The following ACOXL variants were observed in gnomAD, a reference collection of about 807,000 sequenced individuals.
The protein encoded by ACOXL is acyl-coenzyme A oxidase-like protein.
In ACOXL, 70 loss-of-function variants were observed where a neutral mutation model predicts 71.9. The observed-to-expected ratio is 0.97, with a 90% CI of 0.80 to 1.19. The LOEUF is 1.19. Among genes scored for constraint, ACOXL ranks in the 50% most tolerant of loss-of-function variants. The probability of loss-of-function intolerance (pLI) is 0.00; values close to 1 mark genes in which losing one functional copy is unlikely to be tolerated. For synonymous variants in ACOXL, 253 were observed against 281.6 expected, an observed-to-expected ratio of 0.90 and a Z score of 1.02; for missense variants, 703 against 736.3, an observed-to-expected ratio of 0.95 and a Z score of 0.52.
chr2:110,994,098 T>C (rs568222849), intron 13 of ACOXL, among the ~76,000 whole-genome samples: 132 of 152,260 alleles, frequency 8.7e-4, no homozygotes, highest in Middle Eastern at 3.4e-3. Flanking sequence ...GCACGTGCAG[T>C]TCACAATCTC....
chr2:110,861,362 T>C (rs1693934718), intron 10 of ACOXL, among the ~76,000 whole-genome samples: 1 of 151,928 alleles, frequency 6.6e-6, no homozygotes, highest in South Asian at 2.1e-4. Flanking sequence ...AGACAACCAG[T>C]ACTAAAAACC....
chr2:110,786,193 A>G (rs1683938953), intron 3 of ACOXL, among the ~76,000 whole-genome samples: 2 of 152,316 alleles, frequency 1.3e-5, no homozygotes, highest in South Asian at 2.1e-4. Context: ...GATGTCCCCA[A>G]AGAGGAGAAA....
At chr2:110,750,624 ATAT>A (rs1157466859) in intron 1 of ACOXL, among the ~76,000 whole-genome samples, 1 of 148,942 alleles carries the variant, frequency 6.7e-6, no homozygotes, top group Non-Finnish European at 1.5e-5. Flanking sequence ...AAACATATAC[ATAT>A]TATATATAAA....
chr2:110,942,412 G>A (rs1481273654), intron 12 of ACOXL, among the ~76,000 whole-genome samples: 1 of 152,136 alleles, frequency 6.6e-6, no homozygotes, highest in African/African-American at 2.4e-5. Flanking sequence ...AAGCTGGAGT[G>A]ACAATGTTAA....
intron 14 of ACOXL, chr2:111,018,109 A>T (rs2064549257): frequency 6.6e-6 from 1 of 152,236 alleles, no homozygotes; most frequent in Non-Finnish European, 1.5e-5. Flanking sequence ...TTTGCTGACT[A>T]GGTCCTTTAA....
intron 16 of ACOXL, among the ~76,000 whole-genome samples, chr2:111,061,844 C>T (rs61132499): frequency 6.6e-6 from 1 of 151,758 alleles, no homozygotes; most frequent in African/African-American, 2.4e-5. Flanking sequence ...CAGAGAGATG[C>T]ACCCCAAAGC....
intron 16 of ACOXL, among the ~76,000 whole-genome samples, chr2:111,059,134 G>T (rs916705652): frequency 6.6e-6 from 1 of 152,224 alleles, no homozygotes; most frequent in Admixed American, 6.5e-5. Context: ...TTATTCAGGA[G>T]GTTGAGGCTG....
chr2:111,018,357 C>T (rs1392786450), intron 14 of ACOXL, among the ~76,000 whole-genome samples: 2 of 152,154 alleles, frequency 1.3e-5, no homozygotes, highest in Non-Finnish European at 2.9e-5. Flanking sequence ...TCCTATCATC[C>T]CCAGGCAGAG....
At chr2:110,874,705 TAGAGC>T (rs368419469) in intron 10 of ACOXL, among the ~76,000 whole-genome samples, 1 of 152,134 alleles carries the variant, frequency 6.6e-6, no homozygotes, top group Non-Finnish European at 1.5e-5. Context: ...TTTAACAAGT[TAGAGC>T]AGAGCAGAGC....
At position 110,875,690 on chromosome 2, in the gene ACOXL, G is replaced by T. The variant is rs189298401; in HGVS notation, c.789-33099G>T. Among the ~76,000 whole-genome samples the T allele has an allele frequency of 7.9e-5, 12 of 152,324 alleles. No individual in the cohort carries two copies. In the East Asian group the frequency reaches 2.1e-3, roughly 27 times the overall value. ...TAGCACCCAGGTGGAATTGCATCCT[G>T]CAGTGGGCCCAGCTCTGCCTGATCC... On this transcript the variant is annotated intron_variant, in intron 10 of 17. Coordinates refer to ENST00000439055, the MANE Select transcript of ACOXL (RefSeq NM_001142807.4).
intron 10 of ACOXL, among the ~76,000 whole-genome samples, chr2:110,864,238 T>C (rs1040395151): frequency 1.1e-4 from 17 of 152,024 alleles, no homozygotes; most frequent in African/African-American, 4.1e-4. Context: ...TAGTGGGAGA[T>C]GGGAAAGGGA....
intron 10 of ACOXL, among the ~76,000 whole-genome samples, chr2:110,866,069 T>G (rs575538671): frequency 1.3e-5 from 2 of 152,276 alleles, no homozygotes; most frequent in African/African-American, 4.8e-5. Context: ...GGAAGAATGA[T>G]TCGGAAGGCG....
intron 2 of ACOXL, among the ~76,000 whole-genome samples, chr2:110,768,718 G>A (rs1681468529): frequency 6.6e-6 from 1 of 152,268 alleles, no homozygotes; most frequent in African/African-American, 2.4e-5. Flanking sequence ...CCTCTCTCAA[G>A]TAGGCCGCCG....
rs2060493029 is a variant in ACOXL at position 110,931,983 on chromosome 2, AAC to A, written c.906-1504_906-1503del. ...CTAAGAATTGTACATGAATTTTCAT[AAC>A]AGTTTTATTTGCAATAGTCCCAAAC... On this transcript the variant is annotated intron_variant, in intron 11 of 17. Transcript: ENST00000439055. Among the ~76,000 whole-genome samples the A allele has an allele frequency of 3.9e-5, 6 of 152,262 alleles. No individual in the cohort carries two copies. In the South Asian group the frequency reaches 1.2e-3, roughly 31 times the overall value.
At chr2:110,802,902 T>C (rs908628850) in intron 8 of ACOXL, among the ~76,000 whole-genome samples, 2 of 152,214 alleles carry the variant, frequency 1.3e-5, no homozygotes, top group African/African-American at 2.4e-5. Flanking sequence ...AAAAAATTGA[T>C]AAATGCTTCA....
At chr2:110,745,958 C>T (rs1282432985) in intron 1 of ACOXL, among the ~76,000 whole-genome samples, 1 of 152,192 alleles carries the variant, frequency 6.6e-6, no homozygotes, top group Non-Finnish European at 1.5e-5. Context: ...CTGTCACCTC[C>T]TGTTAGTGTG....
At chr2:110,899,081 G>C (rs1320330877) in intron 10 of ACOXL, among the ~76,000 whole-genome samples, 1 of 152,142 alleles carries the variant, frequency 6.6e-6, no homozygotes, top group Non-Finnish European at 1.5e-5. Flanking sequence ...AGAAATCAAA[G>C]ATCTAAATAA....
At chr2:110,967,829 G>C in intron 12 of ACOXL, 1 of 1,082,146 alleles carries the variant, frequency 9.2e-7, no homozygotes, top group Non-Finnish European at 1.4e-6. Flanking sequence ...TCTCTGTTTT[G>C]CAGGATGGGG....
At chr2:110,960,698 T>G (rs112166583) in intron 12 of ACOXL, among the ~76,000 whole-genome samples, 22 of 73,536 alleles carry the variant, frequency 3.0e-4, no homozygotes, top group Admixed American at 4.0e-4. Context: ...ATTTTCTGGG[T>G]TTTTTTTTTT....
Sources: gnomAD v4.1 joint callset for allele counts (sites outside exome capture counted in the v4.1 genomes callset) on GRCh38, gnomAD v4.1.1 for gene constraint, MANE v1.5 for transcripts, NCBI Gene and HGNC (gene_info 2026-07-23, HGNC 2026-07-21) for gene names.